STPG2: variants seen among roughly 807,000 people sequenced by gnomAD.
The protein encoded by STPG2 is sperm tail PG-rich repeat containing 2, also known as sperm-tail PG-rich repeat-containing protein 2.
A neutral mutation model predicts 54.2 loss-of-function variants in STPG2; 56 were observed. The ratio of observed to expected loss-of-function variants is 1.03; its 90% CI spans 0.83 to 1.29. The LOEUF (loss-of-function observed/expected upper bound fraction) is 1.29, where lower values mean the gene tolerates loss of function less well. Among genes scored for constraint, STPG2 ranks in the 50% most tolerant of loss-of-function variants. The probability of loss-of-function intolerance (pLI) is 0.00; values close to 1 mark genes in which losing one functional copy is unlikely to be tolerated. For synonymous variants in STPG2, 200 were observed against 181.8 expected (o/e 1.10, Z -0.81); for missense variants, 596 against 544.9 (o/e 1.09, Z -0.93).
At chr4:97,619,711 G>A (rs976772520) in intron 10 of STPG2, among the ~76,000 whole-genome samples, 1 of 151,972 alleles carries the variant, frequency 6.6e-6, no homozygotes, top group Non-Finnish European at 1.5e-5. Context: ...GTCATTCCAA[G>A]AAGCTTCGAA....
intron 8 of STPG2, among the ~76,000 whole-genome samples, chr4:97,862,828 A>G (rs1729606517): frequency 1.3e-5 from 2 of 152,182 alleles, no homozygotes; most frequent in African/African-American, 2.4e-5. Context: ...AAACTGAACA[A>G]CCTGCTCCTG....
intron 9 of STPG2, among the ~76,000 whole-genome samples, chr4:97,808,842 T>C (rs1388541324): frequency 6.6e-6 from 1 of 151,548 alleles, no homozygotes; most frequent in Non-Finnish European, 1.5e-5. Context: ...TAAACACACA[T>C]GCATACACAG....
chr4:97,727,710 G>A (rs1378259636), intron 9 of STPG2, among the ~76,000 whole-genome samples: 2 of 133,120 alleles, frequency 1.5e-5, no homozygotes, highest in African/African-American at 5.0e-5. Flanking sequence ...CAACACGTAT[G>A]ATCATGGATT....
chr4:97,892,296 T>G (rs1009525191), intron 8 of STPG2, among the ~76,000 whole-genome samples: 1 of 152,122 alleles, frequency 6.6e-6, no homozygotes, highest in South Asian at 2.1e-4. Flanking sequence ...GAGTCCATAC[T>G]GACTTGTCCC....
chr4:97,920,736 A>G (rs1732070092), intron 8 of STPG2, among the ~76,000 whole-genome samples: 2 of 152,234 alleles, frequency 1.3e-5, no homozygotes, highest in South Asian at 4.1e-4. Flanking sequence ...AGACGTGAGA[A>G]GTAAGAAATA....
At chr4:98,099,013 A>G (rs998543208) in intron 5 of STPG2, among the ~76,000 whole-genome samples, 1 of 152,104 alleles carries the variant, frequency 6.6e-6, no homozygotes, top group Non-Finnish European at 1.5e-5. Context: ...GATGGTGGGA[A>G]TGTAAATTAG....
At chr4:97,804,445 C>T (rs1727491708) in intron 9 of STPG2, among the ~76,000 whole-genome samples, 1 of 151,662 alleles carries the variant, frequency 6.6e-6, no homozygotes, top group Non-Finnish European at 1.5e-5. Flanking sequence ...AAAGTTGAAA[C>T]TTTTTTTTCT....
chr4:97,599,141 C>T (rs865960850), intron 10 of STPG2, among the ~76,000 whole-genome samples: 1 of 152,022 alleles, frequency 6.6e-6, no homozygotes, highest in Non-Finnish European at 1.5e-5. Context: ...GGCCAGCAAG[C>T]ATATGAAAAA....
chr4:98,117,317 T>TA (rs1342885529), intron 3 of STPG2, among the ~76,000 whole-genome samples: 1 of 151,946 alleles, frequency 6.6e-6, no homozygotes, highest in Non-Finnish European at 1.5e-5. Flanking sequence ...TTCTATATGA[T>TA]ATGTCACTTT....
chr4:97,646,653 T>C (rs1232485838), intron 10 of STPG2, among the ~76,000 whole-genome samples: 1 of 152,158 alleles, frequency 6.6e-6, no homozygotes, highest in Non-Finnish European at 1.5e-5. Context: ...AATATATACA[T>C]ATACTGTTTA....
chr4:98,045,096 TAAAAGGAAAAAAAA>T (rs1490889732), intron 5 of STPG2, among the ~76,000 whole-genome samples: 2 of 125,928 alleles, frequency 1.6e-5, no homozygotes, highest in African/African-American at 3.2e-5. Context: ...GAGATGACTT[TAAAAGGAAAAAAAA>T]AAAAGGAAAA....
chr4:98,049,583 G>T (rs1737248446), intron 5 of STPG2, among the ~76,000 whole-genome samples: 1 of 152,124 alleles, frequency 6.6e-6, no homozygotes, highest in Non-Finnish European at 1.5e-5. Context: ...GATCACCATT[G>T]GAGGATGCTA....
At chr4:97,936,675 T>C (rs1211481630) in intron 8 of STPG2, among the ~76,000 whole-genome samples, 2 of 152,154 alleles carry the variant, frequency 1.3e-5, no homozygotes, top group East Asian at 3.9e-4. Context: ...GGGCTGAAAA[T>C]TCTTTTCTTT....
intron 4 of STPG2, among the ~76,000 whole-genome samples, chr4:97,532,506 T>C (rs572202549): frequency 2.0e-5 from 3 of 152,300 alleles, no homozygotes; most frequent in East Asian, 1.9e-4. Context: ...ATGAAATGAA[T>C]TGCAATGTCA....
At chr4:97,867,199 GAT>G (rs1383966806) in intron 8 of STPG2, among the ~76,000 whole-genome samples, 2 of 151,830 alleles carry the variant, frequency 1.3e-5, no homozygotes, top group Non-Finnish European at 2.9e-5. Context: ...CTCAACTGTT[GAT>G]AATCTTTTAT....
intron 5 of STPG2, among the ~76,000 whole-genome samples, chr4:98,019,162 T>G (rs920139192): frequency 6.6e-6 from 1 of 152,236 alleles, no homozygotes; most frequent in Non-Finnish European, 1.5e-5. Context: ...GTCTAACATG[T>G]AAGTCTTTAA....
chr4:97,602,367 T>C (rs1192278046), intron 10 of STPG2, among the ~76,000 whole-genome samples: 1 of 151,766 alleles, frequency 6.6e-6, no homozygotes, highest in Non-Finnish European at 1.5e-5. Context: ...ATCCTCCTGC[T>C]CCAATCTGTA....
chr4:97,570,724 A>C (rs891066589), intron 10 of STPG2, among the ~76,000 whole-genome samples: 1 of 152,112 alleles, frequency 6.6e-6, no homozygotes, highest in Non-Finnish European at 1.5e-5. Context: ...GCCTTCCCCC[A>C]AGTTGCTGCC....
At chr4:97,518,763 T>C (rs373339635) in intron 4 of STPG2, among the ~76,000 whole-genome samples, 1 of 152,110 alleles carries the variant, frequency 6.6e-6, no homozygotes, top group African/African-American at 2.4e-5. Flanking sequence ...CTGCCTGTTA[T>C]GTTACTTCTG....
Sources: gnomAD v4.1 joint callset for allele counts (sites outside exome capture counted in the v4.1 genomes callset) on GRCh38, gnomAD v4.1.1 for gene constraint, MANE v1.5 for transcripts, NCBI Gene and HGNC (gene_info 2026-07-23, HGNC 2026-07-21) for gene names.